The following TGFBR3 variants were observed in gnomAD, a reference collection of about 807,000 sequenced individuals.
The protein encoded by TGFBR3 is transforming growth factor beta receptor type 3.
In TGFBR3, 46 loss-of-function variants were observed where a neutral mutation model predicts 87.9. The ratio of observed to expected loss-of-function variants is 0.52; its 90% confidence interval spans 0.41 to 0.67. The LOEUF is 0.67. Ranked by LOEUF, TGFBR3 falls within the 30% of genes least tolerant of loss-of-function variation. The pLI is 0.00. For missense variants in TGFBR3, 866 were observed against 1,041.9 expected (o/e 0.83, Z 2.32); for synonymous variants, 381 against 391.6 (o/e 0.97, Z 0.32).
intron 2 of TGFBR3, among the ~76,000 whole-genome samples, chr1:91,828,741 C>T (rs565351116): frequency 2.0e-5 from 3 of 152,202 alleles, no homozygotes; most frequent in South Asian, 2.1e-4. Context: ...AGAGGAAGAC[C>T]GAAATTCTTC....
Position 91,885,995 on chromosome 1 carries a change from A to T in TGFBR3, c.-231T>A, listed in dbSNP as rs1557763216. 2.2e-6 allele frequency: 1 copy of T among 452,920 alleles called. No homozygotes were observed. The highest frequency in any genetic ancestry group is 4.4e-6 in the Non-Finnish European group (1 of 226,098). 28.1% of individuals were successfully genotyped at this position (452,920 alleles called of 1,614,324 possible). A position where few individuals can be genotyped will look rare whatever the true frequency, so the allele number is the denominator to read the frequency against. On this transcript the variant is annotated 5_prime_UTR_variant, in exon 1 of 17. It adds an upstream start codon to the 5' untranslated region. Coordinates refer to ENST00000212355, the MANE Select transcript of TGFBR3 (RefSeq NM_003243.5). ...CTCCGGCAGCTGCTGCGCCGCGGCA[A>T]AACTACGCCATCCGGACCCGCTGGG... is the stretch of plus-strand genomic sequence containing the variant.
intron 12 of TGFBR3, among the ~76,000 whole-genome samples, chr1:91,714,570 C>G (rs1672095048): frequency 6.6e-6 from 1 of 151,878 alleles, no homozygotes; most frequent in Admixed American, 6.6e-5. Context: ...CTACCAATAA[C>G]ACACTTCAAG....
intron 1 of TGFBR3, among the ~76,000 whole-genome samples, chr1:91,867,190 G>A (rs1337743499): frequency 6.6e-6 from 1 of 152,216 alleles, no homozygotes. Flanking sequence ...TTATTATCCT[G>A]AGGTATCAGA....
intron 3 of TGFBR3, among the ~76,000 whole-genome samples, chr1:91,780,574 T>C (rs1674724459): frequency 1.4e-5 from 2 of 146,832 alleles, no homozygotes; most frequent in East Asian, 2.0e-4. Context: ...TTTTTTTTTT[T>C]CTGACATGGA....
At chr1:91,882,464 GC>G (rs1251602083) in intron 1 of TGFBR3, among the ~76,000 whole-genome samples, 1 of 151,484 alleles carries the variant, frequency 6.6e-6, no homozygotes, top group African/African-American at 2.4e-5. Context: ...GTCAAGTTTG[GC>G]CAGGCACCGT....
At position 91,695,770 on chromosome 1, in the gene TGFBR3, T is replaced by C. The variant is rs539857176; in HGVS notation, c.2339A>G (p.His780Arg). 3.1e-6 allele frequency: 5 copies of C among 1,614,098 alleles called. No homozygotes were observed. The highest frequency in any genetic ancestry group is 2.2e-5 in the East Asian group (1 of 44,876). Residue 780 changes from histidine (H) to arginine (R), a missense_variant, in exon 16 of 17, where the codon CAT becomes CGT. Transcript: ENST00000212355. ...EPNPISPPIF[H>R]GLDTLTVMGI... ...CATCACGGTTAGGGTGTCCAGACCATGGAAAATTGCTATAAAGGAGAGAAA... is the reference window on the plus strand; with the variant it reads ...CATCACGGTTAGGGTGTCCAGACCACGGAAAATTGCTATAAAGGAGAGAAA...
intron 3 of TGFBR3, among the ~76,000 whole-genome samples, chr1:91,760,160 G>A (rs866484629): frequency 6.6e-6 from 1 of 152,192 alleles, no homozygotes. Context: ...GCATCATCTT[G>A]TTCACTAGCT....
intron 3 of TGFBR3, among the ~76,000 whole-genome samples, chr1:91,759,746 C>T (rs1673892513): frequency 6.6e-6 from 1 of 152,090 alleles, no homozygotes; most frequent in Non-Finnish European, 1.5e-5. Context: ...AAGGGAGGGA[C>T]AGGACAAAAA....
intron 1 of TGFBR3, among the ~76,000 whole-genome samples, chr1:91,876,838 A>G (rs887454598): frequency 1.3e-5 from 2 of 152,142 alleles, no homozygotes; most frequent in African/African-American, 4.8e-5. Context: ...CTGAAAGCCA[A>G]CAGAAAAACT....
chr1:91,706,459 G>A (rs1671802290), intron 14 of TGFBR3, among the ~76,000 whole-genome samples: 1 of 152,138 alleles, frequency 6.6e-6, no homozygotes, highest in African/African-American at 2.4e-5. Context: ...ACTCTCACCA[G>A]CACCATGACA....
chr1:91,811,677 A>T (rs1050239803), intron 2 of TGFBR3, among the ~76,000 whole-genome samples: 1 of 152,220 alleles, frequency 6.6e-6, no homozygotes, highest in Non-Finnish European at 1.5e-5. Context: ...TTAACCTAAA[A>T]ATAAGATAAA....
chr1:91,901,222 A>T (rs1185271012), intron 1 of TGFBR3, among the ~76,000 whole-genome samples: 1 of 152,112 alleles, frequency 6.6e-6, no homozygotes, highest in Non-Finnish European at 1.5e-5. Flanking sequence ...TGTTAGGTGT[A>T]TTTTTATTGG....
chr1:91,859,156 T>C (rs974969734), intron 2 of TGFBR3, among the ~76,000 whole-genome samples: 2 of 152,052 alleles, frequency 1.3e-5, no homozygotes, highest in Admixed American at 1.3e-4. Flanking sequence ...TGTGTGTATA[T>C]TTTCCCAAAG....
intron 2 of TGFBR3, among the ~76,000 whole-genome samples, chr1:91,818,537 T>C (rs1416321898): frequency 6.6e-6 from 1 of 152,162 alleles, no homozygotes; most frequent in Non-Finnish European, 1.5e-5. Flanking sequence ...ATTGAGTATG[T>C]TCCCTGTGGT....
intron 2 of TGFBR3, among the ~76,000 whole-genome samples, chr1:91,821,089 G>A (rs1423980459): frequency 4.6e-5 from 7 of 152,090 alleles, no homozygotes; most frequent in African/African-American, 1.4e-4. Flanking sequence ...CCAGCACTTG[G>A]GAGACTGAGG....
At chr1:91,859,908 C>CAAAAAAAAAAAA (rs544117317) in intron 2 of TGFBR3, among the ~76,000 whole-genome samples, 1 of 85,590 alleles carries the variant, frequency 1.2e-5, no homozygotes, top group African/African-American at 4.4e-5. Flanking sequence ...GACTCCATCT[C>CAAAAAAAAAAAA]AAAAAAAAAA....
chr1:91,698,830 T>A (rs542954869), intron 14 of TGFBR3, among the ~76,000 whole-genome samples: 1 of 152,248 alleles, frequency 6.6e-6, no homozygotes, highest in Non-Finnish European at 1.5e-5. Flanking sequence ...TTTAATTTAA[T>A]ATACACATTT....
chr1:91,734,200 A>T lies in TGFBR3; in HGVS notation c.568+576T>A, dbSNP rs542279141. On this transcript the variant is annotated intron_variant, in intron 5 of 16. Transcript: ENST00000212355. ...TTCTATCCCTTTGCAATGCAAGGAA[A>T]TTTAAATAGGCAATCTCTTATCAAG... Among the ~76,000 whole-genome samples the T allele has an allele frequency of 3.9e-5, 6 of 152,350 alleles. No individual in the cohort carries two copies. The South Asian group carries it at 1.2e-3, about 32-fold the overall frequency.
intron 9 of TGFBR3, 68 bp from the exon 10 acceptor site, chr1:91,719,532 T>C (rs925845284): frequency 6.3e-5 from 100 of 1,587,858 alleles, no homozygotes; most frequent in South Asian, 5.8e-4. Context: ...ATTGACACAA[T>C]TGACAATTGC....
Sources: allele counts gnomAD v4.1 joint callset (sites outside exome capture counted in the v4.1 genomes callset), GRCh38; gene constraint gnomAD v4.1.1; transcripts MANE v1.5; gene names NCBI Gene and HGNC (gene_info 2026-07-23, HGNC 2026-07-21).